The following SPRED1 variants were observed in gnomAD, a reference collection of about 807,000 sequenced individuals.
The protein encoded by SPRED1 is sprouty related EVH1 domain containing 1, also known as sprouty-related, EVH1 domain-containing protein 1.
In SPRED1, 18 loss-of-function variants were observed where a neutral mutation model predicts 52.3. That is an observed-to-expected ratio of 0.34 (90% CI 0.24 to 0.51). The LOEUF is 0.51. Among genes scored for constraint, SPRED1 ranks in the 20% least tolerant of loss-of-function variants. The pLI is 0.97. For missense variants in SPRED1, 485 were observed against 551.0 expected, an observed-to-expected ratio of 0.88 and a Z score of 1.20; for synonymous variants, 155 against 179.7, an observed-to-expected ratio of 0.86 and a Z score of 1.10.
intron 2 of SPRED1, among the ~76,000 whole-genome samples, chr15:38,303,126 G>T (rs1009538761): frequency 2.0e-5 from 3 of 152,198 alleles, no homozygotes; most frequent in African/African-American, 7.2e-5. Flanking sequence ...GTAGGTGGCA[G>T]TGAGCTGAGA....
At chr15:38,327,358 G>A (rs1179633859) in intron 4 of SPRED1, among the ~76,000 whole-genome samples, 1 of 152,152 alleles carries the variant, frequency 6.6e-6, no homozygotes, top group African/African-American at 2.4e-5. Flanking sequence ...CTCATCATTG[G>A]AGTCTAATTC....
At chr15:38,346,342 A>G (rs904005515) in intron 5 of SPRED1, among the ~76,000 whole-genome samples, 8 of 151,952 alleles carry the variant, frequency 5.3e-5, no homozygotes, top group African/African-American at 9.7e-5. Context: ...CTGGATGGAT[A>G]GATACATTGT....
chr15:38,253,710 C>G lies in SPRED1; in HGVS notation c.32+493C>G, dbSNP rs146723632. Among the ~76,000 whole-genome samples the G allele has an allele frequency of 3.7e-3, 562 of 152,246 alleles. 3 individuals are homozygous for G. Among genetic ancestry groups the G allele is most frequent in the African/African-American group, 0.013 (537 of 41,536 alleles). On this transcript the variant is annotated intron_variant, in intron 1 of 6. Transcript: ENST00000299084. ...CCGATTAAGCCTTCACCCTCTCCCC[C>G]CTCCCCCTTTTAAACTTATGACCTG...
chr15:38,294,226 AATAT>A (rs1419511909), intron 1 of SPRED1, among the ~76,000 whole-genome samples: 1 of 152,154 alleles, frequency 6.6e-6, no homozygotes, highest in Non-Finnish European at 1.5e-5. Context: ...ATTTACTTAA[AATAT>A]ATAGAGAGCA....
At chr15:38,340,722 G>A (rs1896011482) in intron 5 of SPRED1, among the ~76,000 whole-genome samples, 1 of 151,956 alleles carries the variant, frequency 6.6e-6, no homozygotes, top group African/African-American at 2.4e-5. Context: ...TATTAGTAGA[G>A]ATGAGGTTTC....
chr15:38,324,641 G>A (rs1218619022), intron 3 of SPRED1, 122 bp from the exon 4 acceptor site: 3 of 744,018 alleles, frequency 4.0e-6, no homozygotes, highest in Non-Finnish European at 4.5e-6. Flanking sequence ...TAATTGCCAG[G>A]CAGTCCAGAA....
chr15:38,290,544 A>G (rs1371329326), intron 1 of SPRED1, among the ~76,000 whole-genome samples: 1 of 152,172 alleles, frequency 6.6e-6, no homozygotes, highest in African/African-American at 2.4e-5. Context: ...GTTTGTTTTC[A>G]TGCTGCTGAT....
chr15:38,311,556 A>G (rs777543191), intron 2 of SPRED1, among the ~76,000 whole-genome samples: 10 of 152,178 alleles, frequency 6.6e-5, no homozygotes, highest in Admixed American at 3.3e-4. Context: ...CAATATGAAG[A>G]TCTCTTCAGA....
intron 2 of SPRED1, among the ~76,000 whole-genome samples, chr15:38,314,729 T>G (rs889549262): frequency 1.5e-4 from 23 of 151,956 alleles, no homozygotes; most frequent in African/African-American, 5.1e-4. Flanking sequence ...ATTTGATCTC[T>G]TTTGTAACTT....
At position 38,253,802 on chromosome 15, in the gene SPRED1, G is replaced by A. The variant is rs973870840; in HGVS notation, c.32+585G>A. The stretch of plus-strand genomic sequence containing the variant: ...AATTTAATAGGATTAAGGACACCTG[G>A]AGTGTGGGCGATGTTGAGCTAGAGT... On this transcript the variant is annotated intron_variant, in intron 1 of 6. Coordinates refer to ENST00000299084, the MANE Select transcript of SPRED1 (RefSeq NM_152594.3). 2.0e-5 allele frequency among the ~76,000 whole-genome samples: 3 copies of A among 152,156 alleles called. No individual in the cohort carries two copies. The South Asian group carries it at 6.2e-4, about 32-fold the overall frequency.
intron 1 of SPRED1, among the ~76,000 whole-genome samples, chr15:38,277,189 A>T (rs7165481): frequency 0.83 from 125,533 of 152,092 alleles, 52,568 homozygotes; most frequent in Non-Finnish European, 0.9. Context: ...AAATTTTATG[A>T]CACGGGGTTT....
chr15:38,275,998 TTTGTC>T (rs1295935784), intron 1 of SPRED1, among the ~76,000 whole-genome samples: 2 of 152,178 alleles, frequency 1.3e-5, no homozygotes, highest in African/African-American at 4.8e-5. Context: ...AATTTTGTCA[TTTGTC>T]TTGCCGGACA....
At chr15:38,294,637 G>C (rs1894995899) in intron 1 of SPRED1, among the ~76,000 whole-genome samples, 2 of 152,184 alleles carry the variant, frequency 1.3e-5, no homozygotes, top group Admixed American at 6.5e-5. Context: ...AGAAGAGAAA[G>C]ACAGATAATT....
At chr15:38,311,649 AT>A (rs1895369695) in intron 2 of SPRED1, among the ~76,000 whole-genome samples, 1 of 152,088 alleles carries the variant, frequency 6.6e-6, no homozygotes, top group South Asian at 2.1e-4. Context: ...AATTTTTATA[AT>A]TTGTGATTTT....
At chr15:38,338,293 G>GTTT (rs1220501701) in intron 4 of SPRED1, among the ~76,000 whole-genome samples, 30 of 38,398 alleles carry the variant, frequency 7.8e-4, no homozygotes, top group South Asian at 3.6e-3. Flanking sequence ...ACCCATTTTT[G>GTTT]TTTTGTTTTG....
intron 1 of SPRED1, among the ~76,000 whole-genome samples, chr15:38,296,011 A>G (rs1423293267): frequency 1.3e-4 from 20 of 152,154 alleles, no homozygotes; most frequent in Admixed American, 1.3e-3. Context: ...TGTGCAGTGT[A>G]TGGTTAGAGT....
At chr15:38,267,718 A>G (rs1452329271) in intron 1 of SPRED1, among the ~76,000 whole-genome samples, 1 of 152,206 alleles carries the variant, frequency 6.6e-6, no homozygotes. Flanking sequence ...TTACAAAGCC[A>G]AGGAAACTGA....
intron 1 of SPRED1, chr15:38,268,141 A>G (rs999733750): frequency 6.6e-6 from 1 of 152,254 alleles, no homozygotes; most frequent in Non-Finnish European, 1.5e-5. Context: ...TGAAAAAGCA[A>G]TGATGTAATA....
chr15:38,296,621 T>C (rs1895045418), intron 1 of SPRED1, among the ~76,000 whole-genome samples: 2 of 152,160 alleles, frequency 1.3e-5, no homozygotes, highest in African/African-American at 2.4e-5. Context: ...AACACTTTAC[T>C]TGTTTTGTAG....
Sources: gnomAD v4.1 joint callset for allele counts (sites outside exome capture counted in the v4.1 genomes callset) on GRCh38, gnomAD v4.1.1 for gene constraint, MANE v1.5 for transcripts, NCBI Gene and HGNC (gene_info 2026-07-23, HGNC 2026-07-21) for gene names.